The following BRCA2 variants were observed in gnomAD, a reference collection of about 807,000 sequenced individuals.
The protein encoded by BRCA2 is breast cancer type 2 susceptibility protein.
A neutral mutation model predicts 276.7 loss-of-function variants in BRCA2; 203 were observed. The observed-to-expected ratio is 0.73, with a 90% CI of 0.65 to 0.82. BRCA2 has a LOEUF of 0.82. BRCA2 is among the 40% of genes least tolerant of loss of function. BRCA2 has a pLI of 0.00. For missense variants in BRCA2, 3,920 were observed against 3,915.0 expected, an observed-to-expected ratio of 1.00 and a Z score of -0.03; for synonymous variants, 1,289 against 1,338.4, an observed-to-expected ratio of 0.96 and a Z score of 0.81.
intron 24 of BRCA2, among the ~76,000 whole-genome samples, chr13:32,387,346 C>G (rs528935303): frequency 6.6e-6 from 1 of 152,182 alleles, no homozygotes; most frequent in Admixed American, 6.5e-5. Context: ...CTAATATAAC[C>G]TAGGAATAAC....
In BRCA2 at chr13:32,319,249, A is replaced by G. The variant is rs80358505; in HGVS notation, c.240A>G (p.Ile80Met). The G allele has an allele frequency of 1.5e-5, 24 of 1,613,718 alleles. No homozygotes were observed. Among genetic ancestry groups the G allele is most frequent in the African/African-American group, 2.7e-5 (2 of 74,938 alleles). Residue 80 changes from isoleucine to methionine, a missense_variant, in exon 3 of 27, where the codon ATA (isoleucine) becomes ATG (methionine). By Grantham distance (10) the Ile-to-Met change is conservative (BLOSUM62 1). Transcript: ENST00000380152. ...ATCAGCTGGCTTCAACTCCAATAAT[A>G]TTCAAAGAGCAAGGGCTGACTCTGC... ...SYNQLASTPI[I>M]FKEQGLTLPL... is the part of the protein sequence containing the mutation.
chr13:32,315,590 C>G lies in BRCA2; in HGVS notation c.-117C>G, dbSNP rs924516321. ...GGCGGTGGGTCGCCGCCGGGAGAAG[C>G]GTGAGGGGACAGATTTGTGACCGGC... is the stretch of plus-strand genomic sequence containing the variant. On this transcript the variant is annotated 5_prime_UTR_variant, in exon 1 of 27. Transcript: ENST00000380152. 6.6e-6 allele frequency: 1 copy of G among 152,362 alleles called. No homozygotes were observed. The highest frequency in any genetic ancestry group is 6.5e-5 in the Admixed American group (1 of 15,298). The allele number at this position is 152,362 out of a possible 1,614,324, so 9.4% of individuals were successfully genotyped here.
intron 2 of BRCA2, among the ~76,000 whole-genome samples, chr13:32,316,773 G>A (rs1407749840): frequency 6.6e-6 from 1 of 152,166 alleles, no homozygotes; most frequent in Non-Finnish European, 1.5e-5. Flanking sequence ...TAACAAATCA[G>A]AAGCATTAAT....
Position 32,370,482 on chromosome 13 carries a change from C to T in BRCA2, c.8412C>T (p.Pro2804=), listed in dbSNP as rs780514435. ...CTGACCCTAGACCTTTTCCTCTGCC[C>T]TTATCATCGCTTTTCAGTGATGGAG... The part of the protein sequence containing the change: ...FFPDPRPFPL[P]LSSLFSDGGN... Residue 2804 remains proline (P), a synonymous_variant, in exon 19 of 27, where the codon CCC becomes CCT. Transcript: ENST00000380152. 4 of 1,613,858 alleles carry T rather than the reference C, an allele frequency of 2.5e-6. No individual in the cohort carries two copies. In the South Asian group the frequency reaches 4.4e-5, roughly 18 times the overall value.
chr13:32,336,635 A>C lies in BRCA2; in HGVS notation c.2280A>C (p.Leu760Phe), dbSNP rs1593896537. Residue 760 changes from leucine (L) to phenylalanine (F), a missense_variant, in exon 11 of 27, where the codon TTA becomes TTC. Coordinates refer to ENST00000380152, the MANE Select transcript of BRCA2 (RefSeq NM_000059.4). ...DTDFQSQKSL[L>F]YDHENASTLI... ...ACTTTCAATCCCAGAAAAGTCTTTTATATGATCATGAAAATGCCAGCACTC... is the reference window on the plus strand; with the variant it reads ...ACTTTCAATCCCAGAAAAGTCTTTTCTATGATCATGAAAATGCCAGCACTC... 1.2e-6 allele frequency: 2 copies of C among 1,614,086 alleles called. No homozygotes were observed. Among genetic ancestry groups the C allele is most frequent in the East Asian group, 4.5e-5 (2 of 44,866 alleles).
In BRCA2 at chr13:32,339,100, C is replaced by T. The variant is rs746821851; in HGVS notation, c.4745C>T (p.Thr1582Ile). The T allele has an allele frequency of 2.5e-6, 4 of 1,613,778 alleles. No homozygotes were observed. The South Asian group carries it at 4.4e-5, about 18-fold the overall frequency. The change falls in exon 11 of 27, where the codon ACC becomes ATC. Residue 1582 changes from threonine to isoleucine, a missense_variant. Physicochemically the swap from Thr to Ile is moderately conservative, Grantham distance 89 (BLOSUM62 -1). Transcript: ENST00000380152. ...ACKDLELACE[T>I]IEITAAPKCK... ...AAAGACCTTGAATTAGCATGTGAGA[C>T]CATTGAGATCACAGCTGCCCCAAAG...
At chr13:32,370,267 TTAC>T (rs1423795785) in intron 18 of BRCA2, 132 bp from the exon 19 acceptor site, 3 of 796,030 alleles carry the variant, frequency 3.8e-6, no homozygotes, top group Admixed American at 5.2e-5. Context: ...ATTTACTGTC[TTAC>T]TAATCTTCCT....
intron 18 of BRCA2, among the ~76,000 whole-genome samples, chr13:32,369,828 C>T (rs913638612): frequency 1.3e-5 from 2 of 152,200 alleles, no homozygotes; most frequent in Non-Finnish European, 2.9e-5. Flanking sequence ...CCTGCCTCGG[C>T]CTCCCAAAGT....
chr13:32,378,743 A>G (rs893126914), intron 21 of BRCA2, among the ~76,000 whole-genome samples: 6 of 152,184 alleles, frequency 3.9e-5, no homozygotes, highest in Non-Finnish European at 7.4e-5. Flanking sequence ...ACAAGTAGAA[A>G]TTTGCTAAAG....
At chr13:32,377,770 G>A (rs1017195649) in intron 21 of BRCA2, among the ~76,000 whole-genome samples, 2 of 152,032 alleles carry the variant, frequency 1.3e-5, no homozygotes, top group Non-Finnish European at 2.9e-5. Context: ...CAAATTCTAA[G>A]ATTAGTTTGT....
chr13:32,353,361 C>G (rs1461334152), intron 13 of BRCA2, among the ~76,000 whole-genome samples: 1 of 152,192 alleles, frequency 6.6e-6, no homozygotes, highest in Non-Finnish European at 1.5e-5. Flanking sequence ...CCTCAATACA[C>G]AGTGAATTCT....
chr13:32,347,329 T>C (rs768025828), intron 13 of BRCA2, among the ~76,000 whole-genome samples: 1 of 152,100 alleles, frequency 6.6e-6, no homozygotes, highest in Non-Finnish European at 1.5e-5. Flanking sequence ...ATAAAGGATT[T>C]AGTAAGCATG....
rs276174840 is a variant in BRCA2, at chr13:32,338,378, A to C, written c.4023A>C (p.Ser1341=). Residue 1341 remains serine (S), a synonymous_variant, in exon 11 of 27, where the codon TCA becomes TCC. Transcript: ENST00000380152. ...ACTTAGAATTTGATGGCAGTGATTC[A>C]AGTAAAAATGATACTGTTTGTATTC... ...SHNLEFDGSD[S]SKNDTVCIHK... is the part of the protein sequence containing the mutation. 17 of 1,591,942 alleles carry C rather than the reference A, an allele frequency of 1.1e-5. No homozygotes were observed. Among genetic ancestry groups the C allele is most frequent in the Admixed American group, 7.3e-5 (4 of 55,048 alleles).
At chr13:32,329,697 A>G (rs1286382724) in intron 8 of BRCA2, among the ~76,000 whole-genome samples, 1 of 152,104 alleles carries the variant, frequency 6.6e-6, no homozygotes, top group Non-Finnish European at 1.5e-5. Context: ...TATACAATAT[A>G]TACCGTAGTC....
At position 32,386,060 on chromosome 13, in the gene BRCA2, G is replaced by A. The variant is rs974201793; in HGVS notation, c.9256+5915G>A. 2.6e-5 allele frequency: 5 copies of A among 194,418 alleles called. No individual in the cohort carries two copies. In the East Asian group the frequency reaches 5.7e-4, roughly 22 times the overall value. 12.0% of individuals were successfully genotyped at this position (194,418 alleles called of 1,614,324 possible). A position where few individuals can be genotyped will look rare whatever the true frequency, so the allele number is the denominator to read the frequency against. ...TGAAGCTCTAGAGTACTGTGAGTGG[G>A]CCCTGAGACTGGCTGCTGAGTTTTA... is the stretch of plus-strand genomic sequence containing the variant. On this transcript the variant is annotated intron_variant, in intron 24 of 26. Coordinates refer to ENST00000380152, the MANE Select transcript of BRCA2 (RefSeq NM_000059.4).
intron 14 of BRCA2, 36 bp from the exon 15 acceptor site, chr13:32,356,392 C>G (rs766055292): frequency 1.2e-6 from 2 of 1,601,132 alleles, no homozygotes; most frequent in Non-Finnish European, 1.7e-6. Context: ...TTTTAAATTT[C>G]AATTTTATTT....
rs764734235 is a variant in BRCA2, at chr13:32,319,355, G to A, written c.316+30G>A. 1.1e-5 allele frequency: 17 copies of A among 1,587,404 alleles called. No individual in the cohort carries two copies. In the African/African-American group the frequency reaches 2.0e-4, roughly 19 times the overall value. On this transcript the variant is annotated intron_variant, in intron 3 of 26. Transcript: ENST00000380152. The stretch of plus-strand genomic sequence containing the variant: ...GTAATGCAATATGGTAGACTGGGGA[G>A]AACTACAAACTAGGAATTTAGGCAA...
At chr13:32,375,168 C>T (rs952426188) in intron 20 of BRCA2, among the ~76,000 whole-genome samples, 2 of 152,196 alleles carry the variant, frequency 1.3e-5, no homozygotes, top group African/African-American at 2.4e-5. Flanking sequence ...CCACCAGGTC[C>T]GTCCCTCGAC....
intron 6 of BRCA2, 93 bp downstream of exon 6, chr13:32,326,375 C>A: frequency 6.7e-7 from 1 of 1,488,792 alleles, no homozygotes; most frequent in Non-Finnish European, 9.3e-7. Flanking sequence ...AAATCTGTAC[C>A]TAGCATTCTG....
Sources: gnomAD v4.1 joint callset for allele counts (sites outside exome capture counted in the v4.1 genomes callset) on GRCh38, gnomAD v4.1.1 for gene constraint, MANE v1.5 for transcripts, NCBI Gene and HGNC (gene_info 2026-07-23, HGNC 2026-07-21) for gene names.